PYM1: variants seen among roughly 807,000 people sequenced by gnomAD.
The protein encoded by PYM1 is partner of Y14 and mago.
In PYM1, 7 loss-of-function variants were observed where a neutral mutation model predicts 20.7. That is an observed-to-expected ratio of 0.34 (90% CI 0.19 to 0.64). PYM1 has a LOEUF of 0.64. Among genes scored for constraint, PYM1 ranks in the 30% least tolerant of loss-of-function variants. The pLI, the probability that PYM1 is intolerant of heterozygous loss-of-function variation, is 0.74. For synonymous variants in PYM1, 100 were observed against 99.2 expected (o/e 1.01, Z -0.05); for missense variants, 194 against 250.0 (o/e 0.78, Z 1.51).
At chr12:55,926,260 G>A (rs886413779) in intron 1 of PYM1, among the ~76,000 whole-genome samples, 9 of 152,196 alleles carry the variant, frequency 5.9e-5, no homozygotes, top group Non-Finnish European at 8.8e-5. Context: ...ATTAGGAAGG[G>A]ACAAAACCAT....
At chr12:55,904,265 C>G (rs1161947420) in intron 1 of PYM1, among the ~76,000 whole-genome samples, 1 of 150,972 alleles carries the variant, frequency 6.6e-6, no homozygotes, top group Non-Finnish European at 1.5e-5. Context: ...CAGCGCCTGG[C>G]CTTTAAAGGG....
At chr12:55,922,445 CAAA>C (rs56355933) in intron 1 of PYM1, among the ~76,000 whole-genome samples, 1 of 86,220 alleles carries the variant, frequency 1.2e-5, no homozygotes, top group Admixed American at 1.5e-4. Context: ...CCATCTTTAC[CAAA>C]AAAAAAAAAA....
At chr12:55,921,506 TA>T (rs559845978) in intron 1 of PYM1, among the ~76,000 whole-genome samples, 24 of 151,638 alleles carry the variant, frequency 1.6e-4, no homozygotes, top group Admixed American at 1.2e-3. Context: ...AAAATAATCA[TA>T]AAAAAATAAA....
At chr12:55,914,422 G>A in intron 1 of PYM1, 1 of 696,106 alleles carries the variant, frequency 1.4e-6, no homozygotes, top group Non-Finnish European at 2.6e-6. Flanking sequence ...ATCTTGCAGA[G>A]AGTCAAAAAC....
In PYM1 at chr12:55,905,299, G is replaced by A. The variant is rs564044288; in HGVS notation, c.38-1819C>T. 7.5e-4 allele frequency among the ~76,000 whole-genome samples: 113 copies of A among 151,516 alleles called. 2 individuals carry two copies. The highest frequency in any genetic ancestry group is 2.5e-3 in the African/African-American group (102 of 41,332). ...GCTGGGATTACAGGTGTGAGCCACC[G>A]TGCCTGGCCTATTATACAATATTTA... On this transcript the variant is annotated intron_variant, in intron 1 of 2. Transcript: ENST00000408946.
chr12:55,903,434 C>T lies in PYM1; in HGVS notation c.84G>A (p.Lys28=). The change falls in exon 2 of 3, where the codon AAG becomes AAA. Residue 28 remains lysine (K), a synonymous_variant. Transcript: ENST00000408946. ...STQRPDGTWR[K]QRRVKEGYVP... ...CATATCCTTCTTTCACCCTCCGCTG[C>T]TTGCGCCAGGTCCCGTCAGGTCGCT... 1 of 1,614,142 alleles carries T rather than the reference C, an allele frequency of 6.2e-7. No homozygotes were observed. Among genetic ancestry groups the T allele is most frequent in the Non-Finnish European group, 8.5e-7 (1 of 1,180,038 alleles).
At chr12:55,903,294 G>A (rs1882727788) in intron 2 of PYM1, 93 bp downstream of exon 2, 4 of 1,146,508 alleles carry the variant, frequency 3.5e-6, no homozygotes, top group Admixed American at 2.1e-5. Context: ...TTGGGGCTTA[G>A]GAGAGTCCTC....
chr12:55,923,068 T>C (rs1592642458), intron 1 of PYM1, among the ~76,000 whole-genome samples: 1 of 151,566 alleles, frequency 6.6e-6, no homozygotes, highest in African/African-American at 2.4e-5. Context: ...CTACTAAAAA[T>C]ACAAAATTAG....
chr12:55,917,122 A>G (rs1357706802), intron 1 of PYM1, among the ~76,000 whole-genome samples: 1 of 151,086 alleles, frequency 6.6e-6, no homozygotes, highest in African/African-American at 2.4e-5. Context: ...AAAAATTTAA[A>G]AAGTAGTTTG....
At chr12:55,914,736 G>A (rs543765202) in intron 1 of PYM1, among the ~76,000 whole-genome samples, 2 of 152,286 alleles carry the variant, frequency 1.3e-5, no homozygotes, top group South Asian at 4.1e-4. Flanking sequence ...ATAAGACCTG[G>A]ATGTGGTTTC....
intron 1 of PYM1, among the ~76,000 whole-genome samples, chr12:55,907,772 C>CTA (rs1882849744): frequency 4.0e-5 from 6 of 151,096 alleles, no homozygotes; most frequent in East Asian, 1.9e-4. Context: ...AACCCCATCT[C>CTA]CATTAAAAAC....
At chr12:55,926,260 G>C (rs886413779) in intron 1 of PYM1, among the ~76,000 whole-genome samples, 1 of 152,196 alleles carries the variant, frequency 6.6e-6, no homozygotes, top group African/African-American at 2.4e-5. Context: ...ATTAGGAAGG[G>C]ACAAAACCAT....
chr12:55,901,700 A>G lies in PYM1; in HGVS notation c.*172T>C. 1.0e-6 allele frequency: 1 copy of G among 954,622 alleles called. No individual in the cohort carries two copies. Among genetic ancestry groups the G allele is most frequent in the Non-Finnish European group, 1.5e-6 (1 of 660,210 alleles). 59.1% of individuals were successfully genotyped at this position (954,622 alleles called of 1,614,324 possible). On this transcript the variant is annotated 3_prime_UTR_variant, in exon 3 of 3. Transcript: ENST00000408946. ...GTCCAAAAAGTAGAAGTTGGGAAGA[A>G]AAGGGAAGGATTGAGGGAGACGCTA...
At chr12:55,909,235 G>C (rs1169269372) in intron 1 of PYM1, among the ~76,000 whole-genome samples, 4 of 152,146 alleles carry the variant, frequency 2.6e-5, no homozygotes, top group Non-Finnish European at 5.9e-5. Context: ...ACTGAGACAA[G>C]AGCTGGGCTT....
At chr12:55,927,701 C>T in intron 1 of PYM1, 24 bp downstream of exon 1, 7 of 1,539,156 alleles carry the variant, frequency 4.5e-6, no homozygotes, top group Non-Finnish European at 6.1e-6. Flanking sequence ...GCGTGCAAGG[C>T]GGAGGGCGCC....
At chr12:55,919,636 G>A (rs1009190214) in intron 1 of PYM1, among the ~76,000 whole-genome samples, 4 of 151,676 alleles carry the variant, frequency 2.6e-5, no homozygotes, top group East Asian at 1.9e-4. Context: ...GGTGGCTCAC[G>A]TCTATAATCC....
At chr12:55,924,793 C>G (rs560835513) in intron 1 of PYM1, among the ~76,000 whole-genome samples, 1 of 152,340 alleles carries the variant, frequency 6.6e-6, no homozygotes, top group Non-Finnish European at 1.5e-5. Context: ...TCTCCTGTCT[C>G]AACCTCCCGA....
chr12:55,924,771 G>A (rs11171698), intron 1 of PYM1, among the ~76,000 whole-genome samples: 11,624 of 152,246 alleles, frequency 0.076, 591 homozygotes, highest in East Asian at 0.26. Flanking sequence ...CTGCCTCCTG[G>A]GTTCAAGCGA....
chr12:55,920,234 T>C (rs1592641414), intron 1 of PYM1, among the ~76,000 whole-genome samples: 1 of 151,038 alleles, frequency 6.6e-6, no homozygotes, highest in South Asian at 2.1e-4. Flanking sequence ...AAAAACTAGT[T>C]GCTCATGCCT....
Sources: allele counts gnomAD v4.1 joint callset (sites outside exome capture counted in the v4.1 genomes callset), GRCh38; gene constraint gnomAD v4.1.1; transcripts MANE v1.5; gene names NCBI Gene and HGNC (gene_info 2026-07-23, HGNC 2026-07-21).